The following NT5C1B variants were observed in gnomAD, a reference collection of about 807,000 sequenced individuals.
NT5C1B encodes the protein cytosolic 5'-nucleotidase 1B.
NT5C1B carries 44 observed loss-of-function variants against 57.8 expected under a neutral mutation model. The observed-to-expected ratio is 0.76, with a 90% CI of 0.60 to 0.98. NT5C1B has a LOEUF of 0.98. Among genes scored for constraint, NT5C1B ranks in the 50% least tolerant of loss-of-function variants. The pLI, the probability that NT5C1B is intolerant of heterozygous loss-of-function variation, is 0.00. For missense variants in NT5C1B, 742 were observed against 719.5 expected, an observed-to-expected ratio of 1.03 and a Z score of -0.36; for synonymous variants, 284 against 282.6, an observed-to-expected ratio of 1.00 and a Z score of -0.05.
chr2:18,587,434 C>T, intron 2 of NT5C1B, 69 bp downstream of exon 2: 1 of 1,588,592 alleles, frequency 6.3e-7, no homozygotes, highest in Non-Finnish European at 8.5e-7. Flanking sequence ...GAACTCCCTG[C>T]CCCCTAACAT....
intron 8 of NT5C1B, among the ~76,000 whole-genome samples, chr2:18,569,416 G>A (rs1226710470): frequency 2.0e-5 from 3 of 151,944 alleles, no homozygotes; most frequent in Non-Finnish European, 4.4e-5. Flanking sequence ...AAATTTAAAT[G>A]TCCTAAAAAC....
chr2:18,583,094 T>C, intron 5 of NT5C1B, 97 bp from the exon 6 acceptor site: 1 of 1,448,590 alleles, frequency 6.9e-7, no homozygotes. Context: ...AAATTCAAGC[T>C]CTGAAGAATC....
In NT5C1B at chr2:18,584,963, T is replaced by TGGAGCTGCTGG; in HGVS notation, c.263_273dup (p.Thr92ProfsTer139). 1.3e-6 allele frequency: 2 copies of TGGAGCTGCTGG among 1,544,046 alleles called. No homozygotes were observed. The highest frequency in any genetic ancestry group is 8.7e-7 in the Non-Finnish European group (1 of 1,152,636). ...GAGGTGGATGGAGTCCGGGAGCTCGTGGAGCTGCTGGGGAGCTGCAGCAAG... is the reference window on the plus strand; with the variant it reads ...GAGGTGGATGGAGTCCGGGAGCTCGTGGAGCTGCTGGGGAGCTGCTGGGGAGCTGCAGCAAG... On this transcript the variant is annotated frameshift_variant, in exon 4 of 9. Transcript: ENST00000304081. LOFTEE classifies it high-confidence loss of function. The surrounding 1 kb of genome is among the most constrained non-coding windows in gnomAD (Gnocchi z 5.8).
At chr2:18,582,847 C>G (rs1386455912) in intron 6 of NT5C1B, 21 bp downstream of exon 6, 2 of 1,609,962 alleles carry the variant, frequency 1.2e-6, no homozygotes, top group East Asian at 4.5e-5. Context: ...TGGTCTTCCA[C>G]ATGGTATTTA....
At position 18,589,551 on chromosome 2, in the gene NT5C1B, C is replaced by T; in HGVS notation, c.-83G>A. 1 of 1,600,628 alleles carries T rather than the reference C, an allele frequency of 6.2e-7. No individual in the cohort carries two copies. Among genetic ancestry groups the T allele is most frequent in the East Asian group, 2.2e-5 (1 of 44,786 alleles). The stretch of plus-strand genomic sequence containing the variant: ...TTTCCTGTCACTTCCCTTGCTCAGT[C>T]TAGCTTTGCATTTAGAATGTCAAAT... On this transcript the variant is annotated 5_prime_UTR_variant, in exon 1 of 9. The change abolishes the stop of an existing upstream ORF in the 5' untranslated region. Coordinates refer to ENST00000304081, the Ensembl canonical transcript of NT5C1B.
chr2:18,587,512 C>T (rs566337697), exon 2 of NT5C1B: 2 of 1,613,878 alleles, frequency 1.2e-6, no homozygotes, highest in Admixed American at 3.3e-5. Flanking sequence ...CCTGATTGCT[C>T]AGACGAACTC....
chr2:18,576,645 C>G (rs1207400429), intron 7 of NT5C1B, 128 bp downstream of exon 7: 1 of 1,456,502 alleles, frequency 6.9e-7, no homozygotes, highest in African/African-American at 1.4e-5. Context: ...AAGTGTTGCC[C>G]CATGTGGAAA....
chr2:18,580,403 C>T (rs568419237), intron 6 of NT5C1B, among the ~76,000 whole-genome samples: 6 of 152,220 alleles, frequency 3.9e-5, no homozygotes, highest in East Asian at 1.9e-4. Flanking sequence ...CATCTGAGGT[C>T]GGGAGTTTGA....
intron 2 of NT5C1B, chr2:18,587,255 C>G (rs922794851): frequency 4.0e-6 from 6 of 1,512,214 alleles, no homozygotes; most frequent in Non-Finnish European, 5.3e-6. Flanking sequence ...AGTCTCCCCC[C>G]TGTGTAGGCT....
intron 5 of NT5C1B, 104 bp downstream of exon 5, chr2:18,583,984 G>A: frequency 6.3e-7 from 1 of 1,594,428 alleles, no homozygotes; most frequent in South Asian, 1.1e-5. Flanking sequence ...TGACAAGGGT[G>A]GGCTAGGAAT....
chr2:18,587,184 G>C, intron 2 of NT5C1B: 1 of 1,608,806 alleles, frequency 6.2e-7, no homozygotes, highest in Non-Finnish European at 8.5e-7. Flanking sequence ...CTGAAAGATT[G>C]TGCAGAAAGT....
intron 8 of NT5C1B, among the ~76,000 whole-genome samples, chr2:18,575,131 T>C (rs1174506625): frequency 6.6e-6 from 1 of 152,058 alleles, no homozygotes; most frequent in African/African-American, 2.4e-5. Flanking sequence ...TGTTTAAGTG[T>C]TCTTTTTATG....
chr2:18,582,440 G>C (rs1360100929), intron 6 of NT5C1B, among the ~76,000 whole-genome samples: 1 of 152,196 alleles, frequency 6.6e-6, no homozygotes, highest in Non-Finnish European at 1.5e-5. Flanking sequence ...TGGGGAGAGA[G>C]AGCAGCCGGG....
chr2:18,588,195 A>C lies in NT5C1B; in HGVS notation c.31-603T>G, dbSNP rs1417727777. 2.0e-5 allele frequency among the ~76,000 whole-genome samples: 3 copies of C among 152,238 alleles called. No homozygotes were observed. In the East Asian group the frequency reaches 5.8e-4, roughly 29 times the overall value. On this transcript the variant is annotated intron_variant, in intron 1 of 8. Coordinates refer to ENST00000304081, the Ensembl canonical transcript of NT5C1B. ...AACAACAGATAGGGAAAACCAAGTA[A>C]AAGAGCACAAGAAGATGACTCACTT...
In NT5C1B at chr2:18,587,283, G is replaced by A. The variant is rs1159687095; in HGVS notation, c.120+220C>T. The A allele has an allele frequency of 6.7e-6, 10 of 1,488,376 alleles. No homozygotes were observed. In the Admixed American group the frequency reaches 2.1e-4, roughly 32 times the overall value. The allele number at this position is 1,488,376 out of a possible 1,614,324, so 92.2% of individuals were successfully genotyped here. A position where few individuals can be genotyped will look rare whatever the true frequency, so the allele number is the denominator to read the frequency against. ...TGTAGGCTGAGCAGAGGAGCCTGCTGTGGTTCCACACATTCGAAGTGAACA... is the reference window on the plus strand; with the variant it reads ...TGTAGGCTGAGCAGAGGAGCCTGCTATGGTTCCACACATTCGAAGTGAACA... On this transcript the variant is annotated intron_variant, in intron 2 of 8. Transcript: ENST00000304081.
chr2:18,576,373 T>G lies in NT5C1B; in HGVS notation c.1145-5A>C. 1 of 1,610,112 alleles carries G rather than the reference T, an allele frequency of 6.2e-7. No individual in the cohort carries two copies. The highest frequency in any genetic ancestry group is 1.1e-5 in the South Asian group (1 of 90,684). On this transcript the variant is annotated splice_polypyrimidine_tract_variant and splice_region_variant and intron_variant, in intron 7 of 8. Transcript: ENST00000304081. ...ACATTGTCGCAGAGGCAATACCTGA[T>G]AGATCATGGAGACTGATTAATACTC...
chr2:18,575,385 A>G (rs764347927), intron 8 of NT5C1B, among the ~76,000 whole-genome samples: 1 of 152,118 alleles, frequency 6.6e-6, no homozygotes, highest in Non-Finnish European at 1.5e-5. Flanking sequence ...TCAACTTTCA[A>G]TTAGTCTATT....
intron 6 of NT5C1B, among the ~76,000 whole-genome samples, chr2:18,580,568 T>C (rs1053395086): frequency 6.6e-6 from 1 of 152,190 alleles, no homozygotes; most frequent in Non-Finnish European, 1.5e-5. Flanking sequence ...TGAGCCGAGA[T>C]AGCACTATTG....
At chr2:18,577,422 CAAAA>C (rs371226394) in intron 6 of NT5C1B, among the ~76,000 whole-genome samples, 1 of 39,836 alleles carries the variant, frequency 2.5e-5, no homozygotes, top group Non-Finnish European at 4.9e-5. Context: ...GACTCTGTCT[CAAAA>C]AAAAAAAAAA....
Sources: allele counts gnomAD v4.1 joint callset (sites outside exome capture counted in the v4.1 genomes callset), GRCh38; gene constraint gnomAD v4.1.1; non-coding constraint Gnocchi (gnomAD v3.1); transcripts MANE v1.5; gene names NCBI Gene and HGNC (gene_info 2026-07-23, HGNC 2026-07-21).